Variants in SCFD2 observed in about 807,000 individuals in gnomAD.
SCFD2 encodes sec1 family domain-containing protein 2.
A neutral mutation model predicts 58.9 loss-of-function variants in SCFD2; 54 were observed. That is an observed-to-expected ratio of 0.92 (90% CI 0.74 to 1.15). SCFD2 has a LOEUF of 1.15. Among genes scored for constraint, SCFD2 ranks in the 50% most tolerant of loss-of-function variants. The pLI is 0.00. For missense variants in SCFD2, 805 were observed against 836.6 expected, an observed-to-expected ratio of 0.96 and a Z score of 0.47; for synonymous variants, 321 against 335.9, an observed-to-expected ratio of 0.96 and a Z score of 0.49.
At chr4:53,293,624 T>C (rs1191858205) in intron 3 of SCFD2, among the ~76,000 whole-genome samples, 1 of 152,228 alleles carries the variant, frequency 6.6e-6, no homozygotes, top group East Asian at 1.9e-4. Flanking sequence ...AGAAAGTTCC[T>C]CAACCTAACA....
intron 1 of SCFD2, among the ~76,000 whole-genome samples, chr4:53,360,939 G>C (rs1300605596): frequency 6.6e-6 from 1 of 152,034 alleles, no homozygotes; most frequent in Non-Finnish European, 1.5e-5. Context: ...TTTACATGTT[G>C]CCTTGAATCT....
intron 5 of SCFD2, among the ~76,000 whole-genome samples, chr4:53,031,023 C>T (rs1036344689): frequency 2.0e-5 from 3 of 152,166 alleles, no homozygotes; most frequent in African/African-American, 7.2e-5. Flanking sequence ...TAAAAGGCTA[C>T]ATCCAGGAGA....
chr4:53,103,521 A>G (rs1173226306), intron 5 of SCFD2, among the ~76,000 whole-genome samples: 1 of 149,626 alleles, frequency 6.7e-6, no homozygotes, highest in Non-Finnish European at 1.5e-5. Flanking sequence ...ATTTATAGAT[A>G]TCTATATTTT....
At chr4:53,314,013 G>A (rs1732782314) in intron 2 of SCFD2, among the ~76,000 whole-genome samples, 2 of 152,164 alleles carry the variant, frequency 1.3e-5, no homozygotes, top group South Asian at 4.1e-4. Context: ...GATGAGAAGT[G>A]TGGGAAAACT....
At chr4:53,310,871 C>T (rs1207400926) in intron 3 of SCFD2, among the ~76,000 whole-genome samples, 6 of 152,090 alleles carry the variant, frequency 3.9e-5, no homozygotes, top group East Asian at 1.9e-4. Context: ...ACAAGGGAAT[C>T]GTGAGTCTAT....
chr4:53,173,095 T>A (rs1212932045), intron 4 of SCFD2, among the ~76,000 whole-genome samples: 2 of 152,230 alleles, frequency 1.3e-5, no homozygotes, highest in Non-Finnish European at 2.9e-5. Flanking sequence ...TATCACTGTA[T>A]AATGTACTTC....
rs142892850 is a variant in SCFD2 at position 52,924,267 on chromosome 4, C to T, written c.1562-3397G>A. ...TATTTACTTAAAATCCTAGATTATA[C>T]ATGAAAGTTATGGATTATACATTGA... On this transcript the variant is annotated intron_variant, in intron 5 of 8. Transcript: ENST00000401642. Among the ~76,000 whole-genome samples the T allele has an allele frequency of 4.1e-3, 621 of 152,052 alleles. 8 individuals carry two copies. Among genetic ancestry groups the T allele is most frequent in the African/African-American group, 0.014 (590 of 41,476 alleles).
chr4:53,040,910 T>C (rs188698590), intron 5 of SCFD2, among the ~76,000 whole-genome samples: 221 of 152,296 alleles, frequency 1.5e-3, no homozygotes, highest in African/African-American at 5.0e-3. Context: ...ATGAATGAGA[T>C]AAAACCTCTG....
At chr4:53,088,863 C>T (rs1006770557) in intron 5 of SCFD2, among the ~76,000 whole-genome samples, 6 of 151,960 alleles carry the variant, frequency 3.9e-5, no homozygotes, top group Non-Finnish European at 8.8e-5. Context: ...ATATGTATCC[C>T]CCAAAATTCA....
rs1349326622 is a variant in SCFD2 at position 53,195,521 on chromosome 4, G to A, written c.1312-49939C>T. ...TTAACCCCACATTCCTACGGATCCT[G>A]GTTTCACATTGTGTCCTTCAAATGC... On this transcript the variant is annotated intron_variant, in intron 4 of 8. Coordinates refer to ENST00000401642, the MANE Select transcript of SCFD2 (RefSeq NM_152540.4). Among the ~76,000 whole-genome samples, 3 of 152,096 alleles carry A rather than the reference G, an allele frequency of 2.0e-5. No individual in the cohort carries two copies. The East Asian group carries it at 5.8e-4, about 29-fold the overall frequency.
intron 5 of SCFD2, among the ~76,000 whole-genome samples, chr4:53,076,452 C>T (rs1241644398): frequency 3.9e-5 from 6 of 152,044 alleles, no homozygotes; most frequent in East Asian, 3.9e-4. Flanking sequence ...GACAAGAGCA[C>T]ACCATTATTT....
chr4:53,052,514 T>G (rs764305011), intron 5 of SCFD2, among the ~76,000 whole-genome samples: 26 of 152,160 alleles, frequency 1.7e-4, no homozygotes, highest in Non-Finnish European at 2.9e-4. Context: ...AAATAAAGAC[T>G]GTGCATTATC....
At chr4:53,252,908 C>T (rs368949905) in intron 4 of SCFD2, among the ~76,000 whole-genome samples, 2 of 152,050 alleles carry the variant, frequency 1.3e-5, no homozygotes, top group Non-Finnish European at 1.5e-5. Context: ...TAAACTAAAG[C>T]GCTTCTGCAC....
intron 7 of SCFD2, among the ~76,000 whole-genome samples, chr4:52,893,426 A>G (rs1014525170): frequency 5.9e-5 from 9 of 152,188 alleles, no homozygotes; most frequent in South Asian, 2.1e-4. Flanking sequence ...AGGCATGTTC[A>G]GCTCTCACCA....
Position 52,951,976 on chromosome 4 carries a change from G to T in SCFD2, c.1562-31106C>A, listed in dbSNP as rs373173368. ...AAATGCATTTCAACACTGTGCAGAG[G>T]AGAAGGCGCTCTACCCCTAGGTGAT... On this transcript the variant is annotated intron_variant, in intron 5 of 8. Transcript: ENST00000401642. Among the ~76,000 whole-genome samples, 19 of 152,288 alleles carry T rather than the reference G, an allele frequency of 1.2e-4. No individual in the cohort carries two copies. In the East Asian group the frequency reaches 3.1e-3, roughly 25 times the overall value.
chr4:53,156,977 C>G (rs928160814), intron 4 of SCFD2, among the ~76,000 whole-genome samples: 1 of 152,202 alleles, frequency 6.6e-6, no homozygotes, highest in African/African-American at 2.4e-5. Context: ...CACATATTTT[C>G]TCCAAAATGA....
chr4:53,049,528 G>A (rs1243342270), intron 5 of SCFD2, among the ~76,000 whole-genome samples: 1 of 152,118 alleles, frequency 6.6e-6, no homozygotes, highest in Non-Finnish European at 1.5e-5. Flanking sequence ...AGCCGAAGTA[G>A]GATTCAAACC....
intron 5 of SCFD2, among the ~76,000 whole-genome samples, chr4:53,066,512 G>A (rs184297410): frequency 6.6e-6 from 1 of 152,132 alleles, no homozygotes; most frequent in Admixed American, 6.6e-5. Context: ...AGATTTTATG[G>A]TGAAACAAAA....
At chr4:53,088,486 A>C (rs146585664) in intron 5 of SCFD2, among the ~76,000 whole-genome samples, 9 of 152,352 alleles carry the variant, frequency 5.9e-5, no homozygotes, top group Non-Finnish European at 1.2e-4. Context: ...CTCAAGCCTT[A>C]AGATCTCATG....
Sources: allele counts gnomAD v4.1 joint callset (sites outside exome capture counted in the v4.1 genomes callset), GRCh38; gene constraint gnomAD v4.1.1; transcripts MANE v1.5; gene names NCBI Gene and HGNC (gene_info 2026-07-23, HGNC 2026-07-21).